SYT16: variants seen among roughly 807,000 people sequenced by gnomAD.
SYT16 encodes synaptotagmin-16.
A neutral mutation model predicts 61.4 loss-of-function variants in SYT16; 42 were observed. The ratio of observed to expected loss-of-function variants is 0.68; its 90% CI spans 0.53 to 0.89. SYT16 has a LOEUF of 0.89. Among genes scored for constraint, SYT16 ranks in the 40% least tolerant of loss-of-function variants. The pLI is 0.00. For synonymous variants in SYT16, 314 were observed against 302.3 expected, an observed-to-expected ratio of 1.04 and a Z score of -0.40; for missense variants, 804 against 807.3, an observed-to-expected ratio of 1.00 and a Z score of 0.05.
At chr14:62,062,416 C>G (rs898161966) in intron 3 of SYT16, among the ~76,000 whole-genome samples, 4 of 152,134 alleles carry the variant, frequency 2.6e-5, no homozygotes, top group African/African-American at 9.7e-5. Flanking sequence ...CATATTAAAA[C>G]AAAATAGCCC....
intron 3 of SYT16, among the ~76,000 whole-genome samples, chr14:62,041,839 T>C (rs2054743399): frequency 6.6e-6 from 1 of 152,186 alleles, no homozygotes; most frequent in African/African-American, 2.4e-5. Flanking sequence ...ACGTTGATTA[T>C]TTTTCTCTGT....
In SYT16 at chr14:62,100,764, A is replaced by G. The variant is rs1371129900; in HGVS notation, c.*57A>G. The G allele has an allele frequency of 5.2e-6, 8 of 1,541,574 alleles. No individual in the cohort carries two copies. The highest frequency in any genetic ancestry group is 1.8e-5 in the Admixed American group (1 of 54,238). On this transcript the variant is annotated 3_prime_UTR_variant, in exon 8 of 8. Coordinates refer to ENST00000683842, the MANE Select transcript of SYT16 (RefSeq NM_001367656.1). ...ACCTTGGTTACCTGTGTTGCTGTCTACTGACACTAAGTGTCCTGGCAAGGG... is the reference window on the plus strand; with the variant it reads ...ACCTTGGTTACCTGTGTTGCTGTCTGCTGACACTAAGTGTCCTGGCAAGGG...
chr14:62,092,280 T>C (rs1459705883), intron 7 of SYT16, among the ~76,000 whole-genome samples: 1 of 151,150 alleles, frequency 6.6e-6, no homozygotes, highest in East Asian at 1.9e-4. Context: ...CCATTACTGG[T>C]AGGAATGTAA....
chr14:61,824,645 C>T (rs1463155207), intron 1 of SYT16, among the ~76,000 whole-genome samples: 1 of 152,152 alleles, frequency 6.6e-6, no homozygotes, highest in African/African-American at 2.4e-5. Context: ...AGCCACCGTG[C>T]CCGGCTATAA....
intron 3 of SYT16, among the ~76,000 whole-genome samples, chr14:62,066,277 A>G (rs955875610): frequency 2.6e-5 from 4 of 152,224 alleles, no homozygotes; most frequent in Non-Finnish European, 5.9e-5. Flanking sequence ...CAGCACTATG[A>G]TTAGAAATGT....
intron 5 of SYT16, among the ~76,000 whole-genome samples, chr14:62,078,580 C>T (rs905917912): frequency 6.6e-6 from 1 of 152,062 alleles, no homozygotes; most frequent in Non-Finnish European, 1.5e-5. Flanking sequence ...AACAAAAGTG[C>T]GAGACAAGGG....
At chr14:62,001,094 C>A (rs1213673925) in intron 3 of SYT16, among the ~76,000 whole-genome samples, 1 of 151,808 alleles carries the variant, frequency 6.6e-6, no homozygotes, top group Admixed American at 6.6e-5. Context: ...CTCCTCAAAA[C>A]CAAAAATTTA....
chr14:62,025,907 T>C (rs2054085921), intron 3 of SYT16, among the ~76,000 whole-genome samples: 1 of 150,876 alleles, frequency 6.6e-6, no homozygotes, highest in Non-Finnish European at 1.5e-5. Flanking sequence ...AATATTTCTC[T>C]AATTACATTT....
intron 1 of SYT16, among the ~76,000 whole-genome samples, chr14:61,869,644 T>C (rs1434682255): frequency 2.0e-5 from 3 of 152,222 alleles, no homozygotes; most frequent in African/African-American, 7.2e-5. Flanking sequence ...AACTCACCTA[T>C]TGAAGCCTAA....
At chr14:62,014,492 G>C (rs1400510212) in intron 3 of SYT16, among the ~76,000 whole-genome samples, 1 of 151,662 alleles carries the variant, frequency 6.6e-6, no homozygotes, top group Non-Finnish European at 1.5e-5. Flanking sequence ...AGAGTGTAAT[G>C]GTGCAGTCTC....
intron 1 of SYT16, among the ~76,000 whole-genome samples, chr14:61,934,802 T>G (rs958372016): frequency 6.6e-5 from 10 of 152,192 alleles, no homozygotes; most frequent in Non-Finnish European, 8.8e-5. Context: ...ATCCCATTAT[T>G]TGAAGATGAC....
At chr14:62,060,231 C>T (rs1377950236) in intron 3 of SYT16, among the ~76,000 whole-genome samples, 2 of 152,002 alleles carry the variant, frequency 1.3e-5, no homozygotes, top group Admixed American at 6.5e-5. Context: ...CCTCTATTTT[C>T]TCTCAGTAAT....
At chr14:61,968,613 CTGTT>C (rs1176194015) in intron 1 of SYT16, among the ~76,000 whole-genome samples, 4 of 152,190 alleles carry the variant, frequency 2.6e-5, no homozygotes, top group African/African-American at 9.7e-5. Context: ...CTTAAGGACT[CTGTT>C]TGTCAAGTGC....
intron 1 of SYT16, among the ~76,000 whole-genome samples, chr14:61,951,349 T>A (rs1420533410): frequency 6.6e-6 from 1 of 152,012 alleles, no homozygotes. Flanking sequence ...ATTGGGAGAG[T>A]TTTATAATCA....
intron 1 of SYT16, among the ~76,000 whole-genome samples, chr14:61,936,263 T>A (rs1210479215): frequency 6.6e-6 from 1 of 152,118 alleles, no homozygotes; most frequent in African/African-American, 2.4e-5. Flanking sequence ...AGAGGAAGTT[T>A]TAGGGTTTCC....
At chr14:61,995,800 A>G (rs542081908) in intron 2 of SYT16, 76 bp from the exon 3 acceptor site, 6 of 407,604 alleles carry the variant, frequency 1.5e-5, no homozygotes, top group South Asian at 1.1e-4. Flanking sequence ...GCTGTTTGAC[A>G]TCGTCTGTAG....
intron 7 of SYT16, among the ~76,000 whole-genome samples, chr14:62,084,732 G>A (rs1392854691): frequency 3.9e-5 from 6 of 152,190 alleles, no homozygotes; most frequent in Admixed American, 6.5e-5. Flanking sequence ...TGGCTTTGGA[G>A]TAAGGCAGAT....
intron 1 of SYT16, chr14:61,831,874 T>C: frequency 2.2e-6 from 1 of 460,650 alleles, no homozygotes; most frequent in East Asian, 4.6e-5. Context: ...CTTCTTCCAC[T>C]CGTTCTTGTC....
intron 2 of SYT16, among the ~76,000 whole-genome samples, chr14:61,990,306 C>A (rs1351527769): frequency 6.6e-6 from 1 of 151,974 alleles, no homozygotes; most frequent in Non-Finnish European, 1.5e-5. Context: ...AAGAAATAAC[C>A]AACGTTTTAT....
Sources: gnomAD v4.1 joint callset for allele counts (sites outside exome capture counted in the v4.1 genomes callset) on GRCh38, gnomAD v4.1.1 for gene constraint, MANE v1.5 for transcripts, NCBI Gene and HGNC (gene_info 2026-07-23, HGNC 2026-07-21) for gene names.